Variants in BPIFB4 observed in about 807,000 individuals in gnomAD.
The protein encoded by BPIFB4 is BPI fold containing family B member 4, also known as BPI fold-containing family B member 4.
In BPIFB4, 62 loss-of-function variants were observed where a neutral mutation model predicts 69.2. The observed-to-expected ratio is 0.90, with a 90% CI of 0.73 to 1.11. The LOEUF (loss-of-function observed/expected upper bound fraction) is 1.11, where lower values mean the gene tolerates loss of function less well. BPIFB4 is among the 50% of genes least tolerant of loss of function. The pLI is 0.00. For missense variants in BPIFB4, 789 were observed against 792.0 expected, an observed-to-expected ratio of 1.00 and a Z score of 0.04; for synonymous variants, 330 against 332.7, an observed-to-expected ratio of 0.99 and a Z score of 0.09.
Position 33,100,406 on chromosome 20 carries a change from CTCCTT to C in BPIFB4, c.1570-11_1570-7del. The C allele has an allele frequency of 6.4e-7, 1 of 1,573,182 alleles. No individual in the cohort carries two copies. The stretch of plus-strand genomic sequence containing the variant: ...AAGACATGAAGGCAGTGACGTCTTT[CTCCTT>C]TCCTTTCCCTCCAGGACACAGAATT... On this transcript the variant is annotated splice_polypyrimidine_tract_variant and intron_variant, in intron 13 of 17. Coordinates refer to ENST00000375483, the MANE Select transcript of BPIFB4 (RefSeq NM_182519.3).
chr20:33,083,608 G>T lies in BPIFB4; in HGVS notation c.411G>T (p.Gly137=). ...CATATGGAGGCCACAGGGGCCTCGG[G>T]CGATACAGGGCAGCACCTGTGGGCA... ...ENAYGGHRGL[G]RYRAAPVGRL... The change falls in exon 5 of 18, where the codon GGG becomes GGT. Residue 137 remains glycine (G), a synonymous_variant. Transcript: ENST00000375483. 1.9e-6 allele frequency: 3 copies of T among 1,614,048 alleles called. No homozygotes were observed. Among genetic ancestry groups the T allele is most frequent in the Non-Finnish European group, 2.5e-6 (3 of 1,179,970 alleles).
intron 17 of BPIFB4, among the ~76,000 whole-genome samples, chr20:33,109,022 G>A (rs1343221588): frequency 6.6e-6 from 1 of 152,070 alleles, no homozygotes; most frequent in Non-Finnish European, 1.5e-5. Context: ...CAAGGGAGGT[G>A]GACAATGACC....
intron 7 of BPIFB4, among the ~76,000 whole-genome samples, chr20:33,087,981 A>C (rs1431967396): frequency 6.6e-6 from 1 of 152,146 alleles, no homozygotes; most frequent in Non-Finnish European, 1.5e-5. Flanking sequence ...GCGGGAACCC[A>C]GGCAGGGTTC....
Position 33,097,730 on chromosome 20 carries a change from C to A in BPIFB4, c.1512C>A (p.Ala504=). The A allele has an allele frequency of 1.2e-6, 2 of 1,614,154 alleles. No homozygotes were observed. Among genetic ancestry groups the A allele is most frequent in the Non-Finnish European group, 1.7e-6 (2 of 1,180,024 alleles). ...CGCTGGTGAAGGTGTTGGCCACTGC[C>A]GAGGTCATGGTCTCCCAGCCCAAAG... The part of the protein sequence containing the change: ...DKALVKVLAT[A]EVMVSQPKDL... Residue 504 remains alanine, a synonymous_variant, in exon 13 of 18, where the codon GCC becomes GCA. Coordinates refer to ENST00000375483, the MANE Select transcript of BPIFB4 (RefSeq NM_182519.3).
At chr20:33,105,628 T>C (rs1007875871) in intron 16 of BPIFB4, among the ~76,000 whole-genome samples, 10 of 152,224 alleles carry the variant, frequency 6.6e-5, no homozygotes, top group African/African-American at 2.2e-4. Flanking sequence ...CCACTCCTGC[T>C]TCCTGGATGA....
chr20:33,099,666 T>A (rs2146412836), intron 13 of BPIFB4, among the ~76,000 whole-genome samples: 1 of 152,240 alleles, frequency 6.6e-6, no homozygotes, highest in South Asian at 2.1e-4. Flanking sequence ...CCCACCCTCT[T>A]TTCATCTGGC....
rs114142726 is a variant in BPIFB4, at chr20:33,109,277, G to A, written c.1821+1457G>A. On this transcript the variant is annotated intron_variant, in intron 17 of 17. Coordinates refer to ENST00000375483, the MANE Select transcript of BPIFB4 (RefSeq NM_182519.3). ...GGGGTTAGGAAACACGAACAGGATT[G>A]GCACAGGTTTATCTTCATCATCATC... Among the ~76,000 whole-genome samples the A allele has an allele frequency of 5.6e-3, 851 of 151,920 alleles. 7 individuals carry two copies. Among genetic ancestry groups the A allele is most frequent in the African/African-American group, 0.02 (814 of 41,444 alleles).
Position 33,095,167 on chromosome 20 carries a change from G to T in BPIFB4, c.1398+14G>T. The stretch of plus-strand genomic sequence containing the variant: ...CTGATCCCCAAGGTATGTAAGGTGG[G>T]CAGGTCCCATTGCCTTCAGCCTCAT... On this transcript the variant is annotated intron_variant, in intron 12 of 17. Transcript: ENST00000375483. 1 of 1,596,640 alleles carries T rather than the reference G, an allele frequency of 6.3e-7. No homozygotes were observed. Among genetic ancestry groups the T allele is most frequent in the East Asian group, 2.2e-5 (1 of 44,782 alleles).
intron 11 of BPIFB4, among the ~76,000 whole-genome samples, chr20:33,093,294 T>TCCATCCAC (rs1333466532): frequency 6.6e-6 from 1 of 150,738 alleles, no homozygotes; most frequent in Non-Finnish European, 1.5e-5. Flanking sequence ...TATTTATTTA[T>TCCATCCAC]CCATCCACCC....
intron 13 of BPIFB4, 66 bp from the exon 14 acceptor site, chr20:33,100,360 A>C: frequency 7.3e-7 from 1 of 1,376,606 alleles, no homozygotes; most frequent in East Asian, 2.3e-5. Flanking sequence ...GCACACAATG[A>C]GCCTTTGGCA....
rs1981719815 is a variant in BPIFB4 at position 33,095,094 on chromosome 20, C to G, written c.1345-6C>G. The G allele has an allele frequency of 6.2e-7, 1 of 1,610,112 alleles. No homozygotes were observed. Among genetic ancestry groups the G allele is most frequent in the South Asian group, 1.1e-5 (1 of 90,996 alleles). On this transcript the variant is annotated splice_polypyrimidine_tract_variant and splice_region_variant and intron_variant, in intron 11 of 17. Coordinates refer to ENST00000375483, the MANE Select transcript of BPIFB4 (RefSeq NM_182519.3). ...GATTCACGTGGCCCTTCTTCTTGTCCTATAGTTTGAAGAGCTTCCTCCACT... is the reference window on the plus strand; with the variant it reads ...GATTCACGTGGCCCTTCTTCTTGTCGTATAGTTTGAAGAGCTTCCTCCACT...
chr20:33,093,977 T>TC (rs1981686618), intron 11 of BPIFB4, among the ~76,000 whole-genome samples: 1 of 152,248 alleles, frequency 6.6e-6, no homozygotes, highest in African/African-American at 2.4e-5. Context: ...TATCCATCTA[T>TC]CTTATCTGTT....
chr20:33,095,244 G>A, intron 12 of BPIFB4, 91 bp downstream of exon 12: 3 of 1,375,948 alleles, frequency 2.2e-6, no homozygotes, highest in South Asian at 2.3e-5. Context: ...TCAGCGCTGG[G>A]GTGGGGTGCT....
intron 9 of BPIFB4, among the ~76,000 whole-genome samples, 194 bp from the exon 10 acceptor site, chr20:33,090,514 G>C (rs1299054685): frequency 6.6e-6 from 1 of 152,232 alleles, no homozygotes; most frequent in Non-Finnish European, 1.5e-5. Context: ...GTTCAAAGAA[G>C]TGCAATGACT....
At chr20:33,083,906 C>T in intron 5 of BPIFB4, 32 bp downstream of exon 5, 1 of 1,560,496 alleles carries the variant, frequency 6.4e-7, no homozygotes, top group Non-Finnish European at 8.6e-7. Flanking sequence ...CCCAGAAAGC[C>T]CCCATACACC....
At position 33,091,682 on chromosome 20, in the gene BPIFB4, G is replaced by C. The variant is rs558090705; in HGVS notation, c.1144-776G>C. ...CATTGGTCACCCGCTGTATGCCTGA[G>C]CTGAGGCTGAGTGAGGCTCTGGGCT... On this transcript the variant is annotated intron_variant, in intron 10 of 17. Coordinates refer to ENST00000375483, the MANE Select transcript of BPIFB4 (RefSeq NM_182519.3). Among the ~76,000 whole-genome samples, 10 of 152,384 alleles carry C rather than the reference G, an allele frequency of 6.6e-5. No homozygotes were observed. The South Asian group carries it at 1.2e-3, about 19-fold the overall frequency.
At chr20:33,099,402 G>A (rs1981845258) in intron 13 of BPIFB4, among the ~76,000 whole-genome samples, 1 of 152,174 alleles carries the variant, frequency 6.6e-6, no homozygotes, top group Non-Finnish European at 1.5e-5. Context: ...CCTCTACTGT[G>A]TGGAGATTTT....
chr20:33,110,742 G>C (rs1177600961), intron 17 of BPIFB4, among the ~76,000 whole-genome samples: 1 of 142,060 alleles, frequency 7.0e-6, no homozygotes, highest in Non-Finnish European at 1.5e-5. Flanking sequence ...TGTCGATAGA[G>C]ACTCACGAAT....
At chr20:33,080,804 T>C (rs368703580) in intron 2 of BPIFB4, among the ~76,000 whole-genome samples, 120 of 152,152 alleles carry the variant, frequency 7.9e-4, no homozygotes, top group African/African-American at 2.8e-3. Flanking sequence ...GTTGGTTGGA[T>C]AGATGGATGG....
Sources: gnomAD v4.1 joint callset for allele counts (sites outside exome capture counted in the v4.1 genomes callset) on GRCh38, gnomAD v4.1.1 for gene constraint, MANE v1.5 for transcripts, NCBI Gene and HGNC (gene_info 2026-07-23, HGNC 2026-07-21) for gene names.